The following ZNF287 variants were observed in gnomAD, a reference collection of about 807,000 sequenced individuals.
ZNF287 encodes the protein zinc finger protein 287.
A neutral mutation model predicts 73.7 loss-of-function variants in ZNF287; 31 were observed. The observed-to-expected ratio is 0.42, with a 90% CI of 0.32 to 0.57. The LOEUF is 0.57. Ranked by LOEUF, ZNF287 falls within the 20% of genes least tolerant of loss-of-function variation. The pLI, the probability that ZNF287 is intolerant of heterozygous loss-of-function variation, is 0.13. For synonymous variants in ZNF287, 301 were observed against 307.2 expected, an observed-to-expected ratio of 0.98 and a Z score of 0.21; for missense variants, 641 against 909.3, an observed-to-expected ratio of 0.70 and a Z score of 3.79.
chr17:16,564,149 T>C (rs1442059446), intron 3 of ZNF287, among the ~76,000 whole-genome samples: 2 of 152,240 alleles, frequency 1.3e-5, no homozygotes, highest in Non-Finnish European at 2.9e-5. Context: ...TTGCCTGTGC[T>C]GGACTAGTGC....
rs766219822 is a variant in ZNF287 at position 16,552,930 on chromosome 17, C to T, written c.1212G>A (p.Glu404=). The T allele has an allele frequency of 5.6e-6, 9 of 1,614,052 alleles. No homozygotes were observed. In the South Asian group the frequency reaches 9.9e-5, roughly 18 times the overall value. The change falls in exon 6 of 6, where the codon GAG becomes GAA. Residue 404 remains glutamate, a synonymous_variant. Coordinates refer to ENST00000395825, the MANE Select transcript of ZNF287 (RefSeq NM_020653.4). This position sits in a 1 kb window ranked among gnomAD's most constrained non-coding sequence, Gnocchi z 6.5. ...CAATAAGGGATGAGATATGCCTAAA[C>T]TCTTTCCCACATTCTTCACATTCAT... The part of the protein sequence containing the change: ...KSYECEECGK[E]FRHISSLIAH...
chr17:16,550,213 T>A lies in ZNF287; in HGVS notation c.*1643A>T, dbSNP rs1597461008. Among the ~76,000 whole-genome samples, 2 of 152,232 alleles carry A rather than the reference T, an allele frequency of 1.3e-5. No individual in the cohort carries two copies. The highest frequency in any genetic ancestry group is 4.8e-5 in the African/African-American group (2 of 41,464). ...ATTACTGCATCAATGCTTTTTCCAATTAAATTTTTTCCTGACATGTTAAGA... is the reference window on the plus strand; with the variant it reads ...ATTACTGCATCAATGCTTTTTCCAAATAAATTTTTTCCTGACATGTTAAGA... On this transcript the variant is annotated 3_prime_UTR_variant, in exon 6 of 6. Transcript: ENST00000395825.
At position 16,552,858 on chromosome 17, in the gene ZNF287, C is replaced by G. The variant is rs1216933505; in HGVS notation, c.1284G>C (p.Gln428His). ...CACGCTGGCTGAAGGCTTTACCACA[C>G]TGGTGGCATTCATATGGTTTTTCTC... Reference protein sequence around the residue: ...HTGEKPYECHQCGKAFSQRAH... With the variant: ...HTGEKPYECHHCGKAFSQRAH... Residue 428 changes from glutamine (Q) to histidine (H), a missense_variant, in exon 6 of 6, where the codon CAG becomes CAC. Physicochemically the swap from Gln to His is conservative, Grantham distance 24. This residue lies in a region of ZNF287 where 284 missense variants were observed against 466.8 expected (regional missense o/e 0.61). Transcript: ENST00000395825. This position sits in a 1 kb window ranked among gnomAD's most constrained non-coding sequence, Gnocchi z 6.5. 1.2e-6 allele frequency: 2 copies of G among 1,614,142 alleles called. No homozygotes were observed. The highest frequency in any genetic ancestry group is 1.7e-6 in the Non-Finnish European group (2 of 1,180,010).
At chr17:16,559,926 A>T (rs1907313734) in intron 5 of ZNF287, among the ~76,000 whole-genome samples, 1 of 152,158 alleles carries the variant, frequency 6.6e-6, no homozygotes, top group African/African-American at 2.4e-5. Context: ...GACTGATAAT[A>T]AATACATACA....
At chr17:16,557,241 G>A (rs921339372) in intron 5 of ZNF287, among the ~76,000 whole-genome samples, 1 of 152,110 alleles carries the variant, frequency 6.6e-6, no homozygotes, top group Non-Finnish European at 1.5e-5. Context: ...AAACCAGAAA[G>A]GATTGGTTAG....
At chr17:16,567,964 C>A (rs1569024769) in intron 1 of ZNF287, 35 bp from the exon 2 acceptor site, 1 of 1,390,296 alleles carries the variant, frequency 7.2e-7, no homozygotes, top group Non-Finnish European at 9.3e-7. Flanking sequence ...GGTCAAGAAT[C>A]CCTGGTGTAC....
chr17:16,554,585 C>T (rs561019201), intron 5 of ZNF287, among the ~76,000 whole-genome samples: 2 of 152,208 alleles, frequency 1.3e-5, no homozygotes, highest in Admixed American at 1.3e-4. Flanking sequence ...GTTTATAGTC[C>T]AGCTCATATT....
At chr17:16,568,696 C>T (rs1275544049) in intron 1 of ZNF287, 1 of 152,316 alleles carries the variant, frequency 6.6e-6, no homozygotes. Context: ...ATGCGACAGC[C>T]TTGCCTTGCC....
chr17:16,567,426 A>G lies in ZNF287; in HGVS notation c.306T>C (p.Pro102=), dbSNP rs1569024268. 5.0e-6 allele frequency: 8 copies of G among 1,614,054 alleles called. No homozygotes were observed. Among genetic ancestry groups the G allele is most frequent in the Non-Finnish European group, 5.9e-6 (7 of 1,180,038 alleles). ...LVLEQFLTIL[P]GEVRTWVKSQ... is the part of the protein sequence containing the mutation. ...ACTTTACCCAAGTCCTAACCTCACC[A>G]GGCAGGATGGTCAGGAATTGCTCCA... Residue 102 remains proline, a synonymous_variant, in exon 2 of 6, where the codon CCT becomes CCC. Coordinates refer to ENST00000395825, the MANE Select transcript of ZNF287 (RefSeq NM_020653.4).
rs1258543714 is a variant in ZNF287 at position 16,551,489 on chromosome 17, C to G, written c.*367G>C. 1 of 196,498 alleles carries G rather than the reference C, an allele frequency of 5.1e-6. No individual in the cohort carries two copies. The highest frequency in any genetic ancestry group is 2.3e-5 in the African/African-American group (1 of 42,756). The allele number at this position is 196,498 out of a possible 1,614,324, so 12.2% of individuals were successfully genotyped here. On this transcript the variant is annotated 3_prime_UTR_variant, in exon 6 of 6. Transcript: ENST00000395825. ...TATACACAGGTTCCACCAGGCTGAC[C>G]GTGCAACTTGAGTATGGGTAGATTT...
At position 16,551,833 on chromosome 17, in the gene ZNF287, C is replaced by T. The variant is rs746944826; in HGVS notation, c.*23G>A. On this transcript the variant is annotated 3_prime_UTR_variant, in exon 6 of 6. Coordinates refer to ENST00000395825, the MANE Select transcript of ZNF287 (RefSeq NM_020653.4). ...CAAAATTGAAACAAAGTTGTAAAACCGAATTGAAGTTTCCCTTATCCATTA... is the reference window on the plus strand; with the variant it reads ...CAAAATTGAAACAAAGTTGTAAAACTGAATTGAAGTTTCCCTTATCCATTA... 5.2e-6 allele frequency: 8 copies of T among 1,542,728 alleles called. No homozygotes were observed. The highest frequency in any genetic ancestry group is 2.5e-5 in the South Asian group (2 of 78,524).
intron 5 of ZNF287, among the ~76,000 whole-genome samples, chr17:16,554,265 C>T (rs1906895832): frequency 6.6e-6 from 1 of 151,348 alleles, no homozygotes; most frequent in African/African-American, 2.4e-5. Context: ...CCTCTGCCTC[C>T]CAGGTTCAAG....
intron 3 of ZNF287, among the ~76,000 whole-genome samples, chr17:16,565,125 C>T (rs1346976461): frequency 6.6e-6 from 1 of 151,836 alleles, no homozygotes; most frequent in Non-Finnish European, 1.5e-5. Flanking sequence ...GAAGCCAAGG[C>T]AGGAGGATCA....
Position 16,551,691 on chromosome 17 carries a change from C to A in ZNF287, c.*165G>T. Reference sequence around the variant, plus strand: ...AGTCAAGTTTCCTTCTTAAATTTCACATTAAATCTAAATAGGTTATATCCA... The same window carrying A: ...AGTCAAGTTTCCTTCTTAAATTTCAAATTAAATCTAAATAGGTTATATCCA... On this transcript the variant is annotated 3_prime_UTR_variant, in exon 6 of 6. Transcript: ENST00000395825. The A allele has an allele frequency of 1.6e-6, 1 of 613,476 alleles. No individual in the cohort carries two copies. The highest frequency in any genetic ancestry group is 2.6e-6 in the Non-Finnish European group (1 of 382,328). 38.0% of individuals were successfully genotyped at this position (613,476 alleles called of 1,614,324 possible).
At position 16,565,414 on chromosome 17, in the gene ZNF287, AT is replaced by A. The variant is rs140389442; in HGVS notation, c.501+1110del. 5.1e-3 allele frequency among the ~76,000 whole-genome samples: 769 copies of A among 151,028 alleles called. 5 individuals are homozygous for A. The highest frequency in any genetic ancestry group is 0.018 in the African/African-American group (748 of 41,196). ...TTTTTTTCATTTTATCATTTATCTC[AT>A]TTTTATATGTATATATGTAGATATA... On this transcript the variant is annotated intron_variant, in intron 3 of 5. Coordinates refer to ENST00000395825, the MANE Select transcript of ZNF287 (RefSeq NM_020653.4).
In ZNF287 at chr17:16,550,915, G is replaced by A. The variant is rs1323755808; in HGVS notation, c.*941C>T. ...AACCTAGTGAAATCAAGGCTAATGT[G>A]TATTGAAAATTCATTTAAGCTTGAG... On this transcript the variant is annotated 3_prime_UTR_variant, in exon 6 of 6. Coordinates refer to ENST00000395825, the MANE Select transcript of ZNF287 (RefSeq NM_020653.4). 6.6e-6 allele frequency among the ~76,000 whole-genome samples: 1 copy of A among 152,180 alleles called. No homozygotes were observed. Among genetic ancestry groups the A allele is most frequent in the Non-Finnish European group, 1.5e-5 (1 of 68,028 alleles).
rs1037793735 is a variant in ZNF287 at position 16,563,742 on chromosome 17, G to A, written c.585C>T (p.Tyr195=). The change falls in exon 4 of 6, where the codon TAC becomes TAT. Residue 195 remains tyrosine, a synonymous_variant. Transcript: ENST00000395825. ...ELMRPVQKEL[Y]KTVTLQNYWN... is the part of the protein sequence containing the mutation. Reference sequence around the variant, plus strand: ...AATAGTTCTGTAACGTCACAGTCTTGTATAATTCCTTCTGCACAGGACGCA... The same window carrying A: ...AATAGTTCTGTAACGTCACAGTCTTATATAATTCCTTCTGCACAGGACGCA... 33 of 1,613,758 alleles carry A rather than the reference G, an allele frequency of 2.0e-5. No homozygotes were observed. The highest frequency in any genetic ancestry group is 2.8e-5 in the Non-Finnish European group (33 of 1,179,868).
At chr17:16,561,320 CA>C (rs910904503) in intron 5 of ZNF287, among the ~76,000 whole-genome samples, 1 of 151,424 alleles carries the variant, frequency 6.6e-6, no homozygotes, top group African/African-American at 2.4e-5. Flanking sequence ...ATCTCAAAAA[CA>C]ACAACAAAAA....
chr17:16,566,592 G>C lies in ZNF287; in HGVS notation c.434C>G (p.Thr145Ser), dbSNP rs774496400. Residue 145 changes from threonine to serine, a missense_variant, in exon 3 of 6, where the codon ACC becomes AGC. Physicochemically the swap from Thr to Ser is moderately conservative, Grantham distance 58. Transcript: ENST00000395825. ...TTTTCCTCTGGGGTCTTCCTCTGGG[G>C]TATCTTGGGAAAGGGTAGAGTTTTG... The part of the protein sequence containing the change: ...APQNSTLSQD[T>S]PEEDPRGKHA... The C allele has an allele frequency of 6.2e-7, 1 of 1,612,964 alleles. No individual in the cohort carries two copies. The highest frequency in any genetic ancestry group is 1.1e-5 in the South Asian group (1 of 90,808).
Sources: allele counts gnomAD v4.1 joint callset (sites outside exome capture counted in the v4.1 genomes callset), GRCh38; gene constraint gnomAD v4.1.1; regional missense constraint gnomAD v4.1.1; non-coding constraint Gnocchi (gnomAD v3.1); transcripts MANE v1.5; gene names NCBI Gene and HGNC (gene_info 2026-07-23, HGNC 2026-07-21).